Variants in DCPS observed in about 807,000 individuals in gnomAD.
DCPS encodes decapping enzyme, scavenger.
DCPS carries 27 observed loss-of-function variants against 34.7 expected under a neutral mutation model. The ratio of observed to expected loss-of-function variants is 0.78; its 90% CI spans 0.57 to 1.07. The LOEUF (loss-of-function observed/expected upper bound fraction) is 1.07. Ranked by LOEUF, DCPS falls within the 50% of genes least tolerant of loss-of-function variation. DCPS has a pLI of 0.00. For missense variants in DCPS, 464 were observed against 436.9 expected, an observed-to-expected ratio of 1.06 and a Z score of -0.55; for synonymous variants, 185 against 185.7, an observed-to-expected ratio of 1.00 and a Z score of 0.03.
chr11:126,307,512 G>T (rs1951581618), intron 2 of DCPS, among the ~76,000 whole-genome samples: 1 of 151,984 alleles, frequency 6.6e-6, no homozygotes, highest in Non-Finnish European at 1.5e-5. Flanking sequence ...ACAGGTTCAA[G>T]CAATTCTCCT....
In DCPS at chr11:126,336,339, A is replaced by G. The variant is rs1951832160; in HGVS notation, c.523-1947A>G. ...CCCAGTCAGTTTTGTAGCCTCTGGC[A>G]TACCATCCCACCACCTTTGCCACTC... On this transcript the variant is annotated intron_variant, in intron 3 of 5. Transcript: ENST00000263579. The surrounding 1 kb of genome is among the most constrained non-coding windows in gnomAD (Gnocchi z 6.3). 6.6e-6 allele frequency: 1 copy of G among 152,266 alleles called. No individual in the cohort carries two copies. The highest frequency in any genetic ancestry group is 1.5e-5 in the Non-Finnish European group (1 of 68,144). The allele number at this position is 152,266 out of a possible 1,614,324, so 9.4% of individuals were successfully genotyped here. A position where few individuals can be genotyped will look rare whatever the true frequency, so the allele number is the denominator to read the frequency against.
rs1951698016 is a variant in DCPS at position 126,320,514 on chromosome 11, CT to C, written c.377-10890del. ...TTAAAAAAAAATTAACCCATCAAGA[CT>C]ACAAGGGCGGGGTGCAGTGGCTCAT... On this transcript the variant is annotated intron_variant, in intron 2 of 5. Transcript: ENST00000263579. The surrounding 1 kb of genome is among the most constrained non-coding windows in gnomAD (Gnocchi z 4.7). 6.6e-6 allele frequency among the ~76,000 whole-genome samples: 1 copy of C among 152,116 alleles called. No individual in the cohort carries two copies. The highest frequency in any genetic ancestry group is 1.9e-4 in the East Asian group (1 of 5,188).
intron 2 of DCPS, among the ~76,000 whole-genome samples, chr11:126,321,180 G>A (rs1171591363): frequency 2.7e-5 from 4 of 149,858 alleles, no homozygotes; most frequent in Non-Finnish European, 5.9e-5. Context: ...ACTTGAGTCT[G>A]TTTGGCAGAG....
rs918453528 is a variant in DCPS at position 126,335,555 on chromosome 11, G to A, written c.523-2731G>A. Among the ~76,000 whole-genome samples the A allele has an allele frequency of 1.3e-5, 2 of 152,246 alleles. No homozygotes were observed. The highest frequency in any genetic ancestry group is 2.9e-5 in the Non-Finnish European group (2 of 68,046). On this transcript the variant is annotated intron_variant, in intron 3 of 5. Transcript: ENST00000263579. The surrounding 1 kb of genome is among the most constrained non-coding windows in gnomAD (Gnocchi z 4.8). Reference sequence around the variant, plus strand: ...GGATGTACCTTGGCCCAGGGTGCAGGCTCAGGAGCCAGATACTCATGGTTG... The same window carrying A: ...GGATGTACCTTGGCCCAGGGTGCAGACTCAGGAGCCAGATACTCATGGTTG...
chr11:126,348,115 T>C lies in DCPS; in HGVS notation c.*2502T>C, dbSNP rs1951954391. Among the ~76,000 whole-genome samples the C allele has an allele frequency of 6.6e-6, 1 of 152,048 alleles. No individual in the cohort carries two copies. The highest frequency in any genetic ancestry group is 2.4e-5 in the African/African-American group (1 of 41,404). The stretch of plus-strand genomic sequence containing the variant: ...ATAAATGTTTGAGGGGCAAGAGAGA[T>C]GGGACAGAGTTCACCCAACAGGACA... On this transcript the variant is annotated 3_prime_UTR_variant, in exon 6 of 6. Coordinates refer to ENST00000263579, the MANE Select transcript of DCPS (RefSeq NM_014026.6). This position sits in a 1 kb window ranked among gnomAD's most constrained non-coding sequence, Gnocchi z 5.3.
intron 1 of DCPS, 140 bp downstream of exon 1, chr11:126,304,421 A>T: frequency 1.1e-6 from 1 of 928,538 alleles, no homozygotes; most frequent in South Asian, 1.6e-5. Context: ...CGCCACTAGA[A>T]TGCATAGAGG....
At chr11:126,306,197 A>G (rs903972841) in intron 1 of DCPS, among the ~76,000 whole-genome samples, 1 of 151,864 alleles carries the variant, frequency 6.6e-6, no homozygotes, top group African/African-American at 2.4e-5. Context: ...ACATGGTGAA[A>G]CCCCATCTCT....
At chr11:126,339,530 G>C (rs1305759070) in intron 4 of DCPS, among the ~76,000 whole-genome samples, 1 of 152,254 alleles carries the variant, frequency 6.6e-6, no homozygotes, top group African/African-American at 2.4e-5. Context: ...CAAGAGGCTT[G>C]TGGGAATTCC....
Position 126,327,746 on chromosome 11 carries a change from T to C in DCPS, c.377-3659T>C, listed in dbSNP as rs940088709. Among the ~76,000 whole-genome samples the C allele has an allele frequency of 1.3e-5, 2 of 152,214 alleles. No individual in the cohort carries two copies. Among genetic ancestry groups the C allele is most frequent in the Admixed American group, 1.3e-4 (2 of 15,270 alleles). ...CTGGGACAAAAATGCTCTTCCTGGG[T>C]TTAAGTCGAAAAGGCCAGATTCATT... is the stretch of plus-strand genomic sequence containing the variant. On this transcript the variant is annotated intron_variant, in intron 2 of 5. Transcript: ENST00000263579. This position sits in a 1 kb window ranked among gnomAD's most constrained non-coding sequence, Gnocchi z 4.1.
At position 126,328,110 on chromosome 11, in the gene DCPS, G is replaced by T. The variant is rs1055241164; in HGVS notation, c.377-3295G>T. On this transcript the variant is annotated intron_variant, in intron 2 of 5. Coordinates refer to ENST00000263579, the MANE Select transcript of DCPS (RefSeq NM_014026.6). The surrounding 1 kb of genome is among the most constrained non-coding windows in gnomAD (Gnocchi z 6.6). ...CGGCCAGGGCACGGCCTGGAGAGGA[G>T]CCCATGGCTGACGCGAGTTAGTGGG... 1.3e-5 allele frequency among the ~76,000 whole-genome samples: 2 copies of T among 152,238 alleles called. No homozygotes were observed. The highest frequency in any genetic ancestry group is 1.3e-4 in the Admixed American group (2 of 15,290).
At chr11:126,314,514 A>T (rs1236225574) in intron 2 of DCPS, among the ~76,000 whole-genome samples, 2 of 151,616 alleles carry the variant, frequency 1.3e-5, no homozygotes, top group Non-Finnish European at 2.9e-5. Flanking sequence ...AAAATAAGTC[A>T]TTATATGAAA....
At chr11:126,330,519 C>T (rs181699998) in intron 2 of DCPS, among the ~76,000 whole-genome samples, 7 of 151,558 alleles carry the variant, frequency 4.6e-5, no homozygotes, top group Admixed American at 4.0e-4. Flanking sequence ...AGTAGGGGCA[C>T]CAAGAGGTTA....
rs935653626 is a variant in DCPS, at chr11:126,347,128, T to G, written c.*1515T>G. On this transcript the variant is annotated 3_prime_UTR_variant, in exon 6 of 6. Coordinates refer to ENST00000263579, the MANE Select transcript of DCPS (RefSeq NM_014026.6). The surrounding 1 kb of genome is among the most constrained non-coding windows in gnomAD (Gnocchi z 4.2). Reference sequence around the variant, plus strand: ...AACAGCCGGGGAGTGGAGGGTGTGGTCAGAAAGCCTCAGGGACCTGCTTCA... The same window carrying G: ...AACAGCCGGGGAGTGGAGGGTGTGGGCAGAAAGCCTCAGGGACCTGCTTCA... Among the ~76,000 whole-genome samples the G allele has an allele frequency of 2.7e-5, 4 of 150,828 alleles. No individual in the cohort carries two copies. The highest frequency in any genetic ancestry group is 2.0e-4 in the Admixed American group (3 of 15,134).
intron 1 of DCPS, among the ~76,000 whole-genome samples, chr11:126,304,630 C>G (rs1951548224): frequency 6.6e-6 from 1 of 152,188 alleles, no homozygotes. Flanking sequence ...AGATGTCTCG[C>G]TCATCCCTGT....
chr11:126,345,642 G>A lies in DCPS; in HGVS notation c.*29G>A. ...AACTCAGGCAGAAGAGCACAGATGT[G>A]TGGGATTGGGGGAGGAGTGGGGACA... is the stretch of plus-strand genomic sequence containing the variant. On this transcript the variant is annotated 3_prime_UTR_variant, in exon 6 of 6. Coordinates refer to ENST00000263579, the MANE Select transcript of DCPS (RefSeq NM_014026.6). The surrounding 1 kb of genome is among the most constrained non-coding windows in gnomAD (Gnocchi z 7.4). The A allele has an allele frequency of 6.3e-7, 1 of 1,599,166 alleles. No homozygotes were observed. Among genetic ancestry groups the A allele is most frequent in the South Asian group, 1.1e-5 (1 of 90,706 alleles).
rs1264873428 is a variant in DCPS at position 126,329,645 on chromosome 11, C to G, written c.377-1760C>G. On this transcript the variant is annotated intron_variant, in intron 2 of 5. Transcript: ENST00000263579. The surrounding 1 kb of genome is among the most constrained non-coding windows in gnomAD (Gnocchi z 5.0). ...GCCTGTGGTGTTGCAGGAGCACTGG[C>G]TTTAGGGTGAGATGGCCTCAGTTCC... is the stretch of plus-strand genomic sequence containing the variant. Among the ~76,000 whole-genome samples the G allele has an allele frequency of 1.3e-5, 2 of 152,180 alleles. No homozygotes were observed. The highest frequency in any genetic ancestry group is 2.9e-5 in the Non-Finnish European group (2 of 68,034).
At position 126,342,531 on chromosome 11, in the gene DCPS, C is replaced by T. The variant is rs969356210; in HGVS notation, c.637-776C>T. On this transcript the variant is annotated intron_variant, in intron 4 of 5. Coordinates refer to ENST00000263579, the MANE Select transcript of DCPS (RefSeq NM_014026.6). The surrounding 1 kb of genome is among the most constrained non-coding windows in gnomAD (Gnocchi z 4.4). ...CCTCCGAGTCTTTGCTCTGTTTCCT[C>T]TACCTGAATACCCTTTCTCCAAATT... 1.3e-5 allele frequency among the ~76,000 whole-genome samples: 2 copies of T among 152,212 alleles called. No individual in the cohort carries two copies. The highest frequency in any genetic ancestry group is 4.8e-5 in the African/African-American group (2 of 41,446).
intron 2 of DCPS, among the ~76,000 whole-genome samples, chr11:126,330,293 C>T (rs558018436): frequency 9.2e-5 from 14 of 152,146 alleles, no homozygotes; most frequent in Non-Finnish European, 1.9e-4. Flanking sequence ...AGCTGAACAT[C>T]CTTCAATGCA....
In DCPS at chr11:126,338,257, G is replaced by C; in HGVS notation, c.523-29G>C. ...CTCTCAAGGGGTGATGAGTGGATTT[G>C]TGAACCATCTCTCTCCCCCTCCTTT... On this transcript the variant is annotated intron_variant, in intron 3 of 5. Transcript: ENST00000263579. This position sits in a 1 kb window ranked among gnomAD's most constrained non-coding sequence, Gnocchi z 5.4. The C allele has an allele frequency of 3.7e-6, 6 of 1,604,828 alleles. No homozygotes were observed. The highest frequency in any genetic ancestry group is 5.1e-6 in the Non-Finnish European group (6 of 1,171,564).
Sources: gnomAD v4.1 joint callset for allele counts (sites outside exome capture counted in the v4.1 genomes callset) on GRCh38, gnomAD v4.1.1 for gene constraint, Gnocchi (gnomAD v3.1) non-coding constraint, MANE v1.5 for transcripts, NCBI Gene and HGNC (gene_info 2026-07-23, HGNC 2026-07-21) for gene names.